Variants in CTNNA2 observed in about 807,000 individuals in gnomAD.
CTNNA2 encodes catenin alpha-2.
CTNNA2 carries 42 observed loss-of-function variants against 101.0 expected under a neutral mutation model. The ratio of observed to expected loss-of-function variants is 0.42; its 90% CI spans 0.32 to 0.54. The LOEUF (loss-of-function observed/expected upper bound fraction) is 0.54, where lower values mean the gene tolerates loss of function less well. Among genes scored for constraint, CTNNA2 ranks in the 20% least tolerant of loss-of-function variants. The pLI, the probability that CTNNA2 is intolerant of heterozygous loss-of-function variation, is 0.14. For missense variants in CTNNA2, 871 were observed against 1,223.1 expected, an observed-to-expected ratio of 0.71 and a Z score of 4.29; for synonymous variants, 450 against 456.4, an observed-to-expected ratio of 0.99 and a Z score of 0.18.
chr2:80,425,706 G>C (rs1680929669), intron 9 of CTNNA2, among the ~76,000 whole-genome samples: 1 of 151,948 alleles, frequency 6.6e-6, no homozygotes, highest in Non-Finnish European at 1.5e-5. Flanking sequence ...TCTATTTTAT[G>C]GGTTTTTTTT....
intron 7 of CTNNA2, among the ~76,000 whole-genome samples, chr2:79,930,284 GAGAGAGAAAGAGAA>G (rs1687315792): frequency 1.4e-5 from 1 of 71,482 alleles, no homozygotes; most frequent in Non-Finnish European, 3.6e-5. Flanking sequence ...GAAAGAGAGA[GAGAGAGAAAGAGAA>G]AGAAAGAAAG....
chr2:80,339,034 A>G (rs1487711486), intron 7 of CTNNA2, among the ~76,000 whole-genome samples: 2 of 152,204 alleles, frequency 1.3e-5, no homozygotes, highest in Non-Finnish European at 2.9e-5. Context: ...TGGCACAATG[A>G]GTGGTATTTG....
chr2:79,296,555 A>G (rs572656925), intron 2 of CTNNA2, among the ~76,000 whole-genome samples: 3 of 152,258 alleles, frequency 2.0e-5, no homozygotes, highest in South Asian at 2.1e-4. Context: ...AGCACCTACT[A>G]TATGTGTCAG....
chr2:80,489,861 G>A lies in CTNNA2; in HGVS notation c.1291-55121G>A, dbSNP rs544464901. Among the ~76,000 whole-genome samples, 95 of 152,246 alleles carry A rather than the reference G, an allele frequency of 6.2e-4. 2 individuals are homozygous for A. The highest frequency in any genetic ancestry group is 3.4e-3 in the Middle Eastern group (1 of 294). On this transcript the variant is annotated intron_variant, in intron 9 of 18. Transcript: ENST00000402739. ...AGAGCCTTGCTCTGGCAGTGAAATA[G>A]GATATAAAATATAAGAGGAGACTCA...
chr2:79,285,076 A>T (rs1675526015), intron 2 of CTNNA2, among the ~76,000 whole-genome samples: 1 of 148,842 alleles, frequency 6.7e-6, no homozygotes. Flanking sequence ...CTCTGATGGT[A>T]GTTTGTATTT....
chr2:79,844,136 G>T (rs756659858), intron 3 of CTNNA2, among the ~76,000 whole-genome samples: 13 of 152,116 alleles, frequency 8.5e-5, no homozygotes, highest in Admixed American at 1.3e-4. Context: ...TTCCTTTAAA[G>T]GAAATAAACA....
intron 4 of CTNNA2, among the ~76,000 whole-genome samples, chr2:79,429,107 C>A (rs933698181): frequency 1.3e-5 from 2 of 152,122 alleles, no homozygotes; most frequent in Admixed American, 6.6e-5. Context: ...CTACAATAGA[C>A]TATCAAGCTA....
chr2:80,451,581 C>G (rs1249531799), intron 9 of CTNNA2, among the ~76,000 whole-genome samples: 2 of 152,192 alleles, frequency 1.3e-5, no homozygotes, highest in Non-Finnish European at 2.9e-5. Flanking sequence ...TTGGACTAGA[C>G]CTAGCTTCAT....
intron 4 of CTNNA2, among the ~76,000 whole-genome samples, chr2:79,474,350 A>G (rs1038565022): frequency 6.6e-6 from 1 of 152,180 alleles, no homozygotes; most frequent in African/African-American, 2.4e-5. Flanking sequence ...AAAAACAACA[A>G]TAAGAATAAA....
At chr2:79,724,632 G>A (rs183856191) in intron 2 of CTNNA2, among the ~76,000 whole-genome samples, 188 of 151,934 alleles carry the variant, frequency 1.2e-3, no homozygotes, top group African/African-American at 4.1e-3. Flanking sequence ...TGGCTAACAC[G>A]GTGAAACCCT....
intron 3 of CTNNA2, among the ~76,000 whole-genome samples, chr2:79,771,252 C>A (rs548412383): frequency 8.9e-4 from 135 of 152,120 alleles, no homozygotes; most frequent in Non-Finnish European, 1.6e-3. Flanking sequence ...AGCTGATAGT[C>A]GAACCACAGA....
chr2:80,571,666 C>T (rs775574446), intron 12 of CTNNA2, among the ~76,000 whole-genome samples: 5 of 152,104 alleles, frequency 3.3e-5, no homozygotes, highest in African/African-American at 4.8e-5. Flanking sequence ...TTTTCCCACT[C>T]GAACTTTGAC....
intron 3 of CTNNA2, among the ~76,000 whole-genome samples, chr2:79,799,151 C>G (rs1254252982): frequency 6.6e-6 from 1 of 151,310 alleles, no homozygotes; most frequent in Non-Finnish European, 1.5e-5. Context: ...TGTCAGCTCA[C>G]AGTTATAATT....
chr2:80,433,427 A>T (rs1681728749), intron 9 of CTNNA2, among the ~76,000 whole-genome samples: 1 of 152,068 alleles, frequency 6.6e-6, no homozygotes, highest in Non-Finnish European at 1.5e-5. Flanking sequence ...ATGGGGCAAT[A>T]AGGAATTAAA....
chr2:80,595,155 T>C (rs1212500728), intron 15 of CTNNA2, among the ~76,000 whole-genome samples: 1 of 152,188 alleles, frequency 6.6e-6, no homozygotes, highest in African/African-American at 2.4e-5. Context: ...CCATTTATTT[T>C]TGTAATTTCA....
chr2:79,575,840 G>T (rs2103858932), intron 1 of CTNNA2, among the ~76,000 whole-genome samples: 1 of 152,262 alleles, frequency 6.6e-6, no homozygotes, highest in East Asian at 1.9e-4. Flanking sequence ...AATTGATCTG[G>T]ACTTAAATGC....
rs531332514 is a variant in CTNNA2 at position 80,302,877 on chromosome 2, G to C, written c.1057-90334G>C. 4.4e-5 allele frequency: 71 copies of C among 1,614,200 alleles called. No homozygotes were observed. In the African/African-American group the frequency reaches 9.1e-4, roughly 21 times the overall value. ...CACACGTTGCGCCCGCAATCCCACA[G>C]GTTCCCGGCCAGGGTGATGCTTGTC... On this transcript the variant is annotated intron_variant, in intron 7 of 18. Transcript: ENST00000402739. The surrounding 1 kb of genome is among the most constrained non-coding windows in gnomAD (Gnocchi z 6.4).
At chr2:80,212,931 T>C (rs1707998599) in intron 7 of CTNNA2, among the ~76,000 whole-genome samples, 1 of 152,180 alleles carries the variant, frequency 6.6e-6, no homozygotes, top group South Asian at 2.1e-4. Flanking sequence ...TTCTTCCTGG[T>C]TTAGTCATGG....
rs1553505682 is a variant in CTNNA2 at position 80,368,867 on chromosome 2, G to GTATATA, written c.1057-24332_1057-24327dup. Among the ~76,000 whole-genome samples, 767 of 144,716 alleles carry GTATATA rather than the reference G, an allele frequency of 5.3e-3. 7 individuals are homozygous for GTATATA. Among genetic ancestry groups the GTATATA allele is most frequent in the African/African-American group, 0.015 (590 of 38,736 alleles). The allele number at this position is 144,716 out of a possible 152,430, so 94.9% of individuals were successfully genotyped here. ...TATATATGTGTGTGTGTGTGTGTGT[G>GTATATA]TATATATATATATATATTTGGCACG... On this transcript the variant is annotated intron_variant, in intron 7 of 18. Transcript: ENST00000402739.
Sources: allele counts gnomAD v4.1 joint callset (sites outside exome capture counted in the v4.1 genomes callset), GRCh38; gene constraint gnomAD v4.1.1; non-coding constraint Gnocchi (gnomAD v3.1); transcripts MANE v1.5; gene names NCBI Gene and HGNC (gene_info 2026-07-23, HGNC 2026-07-21).